Variants in SH3BP4 observed in about 807,000 individuals in gnomAD.
SH3BP4 encodes the protein SH3 domain-binding protein 4.
A neutral mutation model predicts 65.5 loss-of-function variants in SH3BP4; 33 were observed. The observed-to-expected ratio is 0.50, with a 90% CI of 0.38 to 0.67. The LOEUF is 0.67. Ranked by LOEUF, SH3BP4 falls within the 30% of genes least tolerant of loss-of-function variation. SH3BP4 has a pLI of 0.00. For missense variants in SH3BP4, 1,134 were observed against 1,261.4 expected (o/e 0.90, Z 1.53); for synonymous variants, 552 against 545.5 (o/e 1.01, Z -0.17).
chr2:234,989,517 C>T (rs573693619), intron 1 of SH3BP4, among the ~76,000 whole-genome samples: 1 of 152,222 alleles, frequency 6.6e-6, no homozygotes, highest in Admixed American at 6.5e-5. Context: ...GGCCCTTTGC[C>T]CACTGCGTAA....
chr2:235,031,379 C>A (rs576543581), intron 2 of SH3BP4, among the ~76,000 whole-genome samples: 1 of 152,328 alleles, frequency 6.6e-6, no homozygotes, highest in East Asian at 1.9e-4. Flanking sequence ...CCAGAAAGCA[C>A]GTGTGCAGTT....
intron 1 of SH3BP4, among the ~76,000 whole-genome samples, chr2:234,984,835 G>A (rs1693497662): frequency 6.8e-6 from 1 of 147,722 alleles, no homozygotes; most frequent in African/African-American, 2.5e-5. Flanking sequence ...GAGATGACTG[G>A]TCCCAGCAGT....
Position 235,046,735 on chromosome 2 carries a change from G to GATGA in SH3BP4, c.2478+3501_2478+3504dup, listed in dbSNP as rs910174951. ...TAAGTGATTGAATGAATGAATGATG[G>GATGA]ATGAATGAATGAATGATGAATGAAT... On this transcript the variant is annotated intron_variant, in intron 4 of 5. Transcript: ENST00000392011. This position sits in a 1 kb window ranked among gnomAD's most constrained non-coding sequence, Gnocchi z 4.2. Among the ~76,000 whole-genome samples, 3 of 149,990 alleles carry GATGA rather than the reference G, an allele frequency of 2.0e-5. No individual in the cohort carries two copies. The highest frequency in any genetic ancestry group is 3.4e-3 in the Middle Eastern group (1 of 292).
intron 2 of SH3BP4, among the ~76,000 whole-genome samples, chr2:235,011,641 C>T (rs1694509194): frequency 6.6e-6 from 1 of 152,180 alleles, no homozygotes; most frequent in Admixed American, 6.5e-5. Context: ...GACAGTCTTG[C>T]TTTTCTTTGT....
chr2:235,047,409 A>G lies in SH3BP4; in HGVS notation c.2478+4162A>G, dbSNP rs1481031883. 2.0e-5 allele frequency among the ~76,000 whole-genome samples: 3 copies of G among 152,336 alleles called. No homozygotes were observed. The East Asian group carries it at 5.8e-4, about 29-fold the overall frequency. ...AACCCTCGCTGTGCATCCTCTGTAG[A>G]CTGGCCAGAAACACTGCGTGGTCGG... On this transcript the variant is annotated intron_variant, in intron 4 of 5. Coordinates refer to ENST00000392011, the MANE Select transcript of SH3BP4 (RefSeq NM_014521.3).
At chr2:235,050,483 C>A (rs143162988) in intron 4 of SH3BP4, among the ~76,000 whole-genome samples, 180 of 152,234 alleles carry the variant, frequency 1.2e-3, no homozygotes, top group African/African-American at 3.7e-3. Flanking sequence ...CCCCTTCTGG[C>A]CAGCCTCGTT....
rs1264428629 is a variant in SH3BP4, at chr2:235,030,171, C to T, written c.-132-4700C>T. On this transcript the variant is annotated intron_variant, in intron 2 of 5. Transcript: ENST00000392011. This position sits in a 1 kb window ranked among gnomAD's most constrained non-coding sequence, Gnocchi z 4.1. The stretch of plus-strand genomic sequence containing the variant: ...CAGAAGTGTTGTAGCAGGGCAGCAG[C>T]ATGGCTTTGAGAAAATCAAGGGCTC... 1.3e-5 allele frequency among the ~76,000 whole-genome samples: 2 copies of T among 152,200 alleles called. No homozygotes were observed. Among genetic ancestry groups the T allele is most frequent in the South Asian group, 4.2e-4 (2 of 4,814 alleles).
At position 235,038,210 on chromosome 2, in the gene SH3BP4, T is replaced by TAA. The variant is rs1345242920; in HGVS notation, c.119-2677_119-2676dup. Among the ~76,000 whole-genome samples, 624 of 122,894 alleles carry TAA rather than the reference T, an allele frequency of 5.1e-3. 26 individuals carry two copies. The highest frequency in any genetic ancestry group is 0.017 in the African/African-American group (557 of 33,130). 80.6% of individuals were successfully genotyped at this position (122,894 alleles called of 152,430 possible). A position where few individuals can be genotyped will look rare whatever the true frequency, so the allele number is the denominator to read the frequency against. ...TTTCATATATATATACACATATATA[T>TAA]AATATATATATAAAGGATATATGTA... On this transcript the variant is annotated intron_variant, in intron 3 of 5. Transcript: ENST00000392011.
chr2:234,981,338 C>G (rs924470876), intron 1 of SH3BP4, among the ~76,000 whole-genome samples: 1 of 152,150 alleles, frequency 6.6e-6, no homozygotes, highest in African/African-American at 2.4e-5. Context: ...GTGGCTCCCC[C>G]TCTAGTCTGG....
Position 235,041,468 on chromosome 2 carries a change from G to A in SH3BP4, c.699G>A (p.Arg233=). The A allele has an allele frequency of 5.0e-6, 8 of 1,614,196 alleles. No individual in the cohort carries two copies. Among genetic ancestry groups the A allele is most frequent in the Non-Finnish European group, 6.8e-6 (8 of 1,180,042 alleles). Residue 233 remains arginine, a synonymous_variant, in exon 4 of 6, where the codon AGG becomes AGA. Transcript: ENST00000392011. This position sits in a 1 kb window ranked among gnomAD's most constrained non-coding sequence, Gnocchi z 6.0. ...GACTCCACGCAGAGCCGCCGGTCAG[G>A]CGGGACAACCCCTTCTTCAGAAGCA... The part of the protein sequence containing the change: ...TNGLHAEPPV[R]RDNPFFRSKR...
At chr2:235,028,340 T>C (rs1363483934) in intron 2 of SH3BP4, among the ~76,000 whole-genome samples, 1 of 152,140 alleles carries the variant, frequency 6.6e-6, no homozygotes, top group Non-Finnish European at 1.5e-5. Context: ...TAGACGGTGG[T>C]CAAGCTTGTT....
At chr2:234,988,217 G>T (rs907771754) in intron 1 of SH3BP4, among the ~76,000 whole-genome samples, 1 of 152,120 alleles carries the variant, frequency 6.6e-6, no homozygotes, top group Middle Eastern at 3.4e-3. Context: ...CCACCACCAC[G>T]CCTGGCTAAT....
rs1031418112 is a variant in SH3BP4, at chr2:235,052,307, G to T, written c.2479-255G>T. On this transcript the variant is annotated intron_variant, in intron 4 of 5. Coordinates refer to ENST00000392011, the MANE Select transcript of SH3BP4 (RefSeq NM_014521.3). The surrounding 1 kb of genome is among the most constrained non-coding windows in gnomAD (Gnocchi z 5.0). ...TGCAAAGACCCCATTTTCAAGTAAGGTCACGTTCTGAGGTTCTGGGTGGAT... is the reference window on the plus strand; with the variant it reads ...TGCAAAGACCCCATTTTCAAGTAAGTTCACGTTCTGAGGTTCTGGGTGGAT... 6.6e-6 allele frequency among the ~76,000 whole-genome samples: 1 copy of T among 152,112 alleles called. No individual in the cohort carries two copies. The highest frequency in any genetic ancestry group is 2.4e-5 in the African/African-American group (1 of 41,402).
intron 2 of SH3BP4, among the ~76,000 whole-genome samples, chr2:235,031,123 G>A (rs922121133): frequency 1.3e-5 from 2 of 152,100 alleles, no homozygotes; most frequent in Non-Finnish European, 2.9e-5. Context: ...TGGTGCCCGT[G>A]GGAACATGAT....
At position 235,017,129 on chromosome 2, in the gene SH3BP4, TA is replaced by T. The variant is rs575292462; in HGVS notation, c.-132-17738del. 2.0e-5 allele frequency among the ~76,000 whole-genome samples: 3 copies of T among 149,042 alleles called. No homozygotes were observed. The South Asian group carries it at 6.4e-4, about 32-fold the overall frequency. On this transcript the variant is annotated intron_variant, in intron 2 of 5. Transcript: ENST00000392011. ...GAGACTATGCTATACTATTGTTTGG[TA>T]AAATACTTTAAGACTTAATATATTC...
At position 235,042,428 on chromosome 2, in the gene SH3BP4, C is replaced by T. The variant is rs771409937; in HGVS notation, c.1659C>T (p.Ser553=). Residue 553 remains serine (S), a synonymous_variant, in exon 4 of 6, where the codon AGC becomes AGT. Transcript: ENST00000392011. The surrounding 1 kb of genome is among the most constrained non-coding windows in gnomAD (Gnocchi z 7.3). ...TGACGAATTACGAGGTCAAAGCCAG[C>T]GAGCAGGCCAAAGTGGTGCGAGGAT... is the stretch of plus-strand genomic sequence containing the variant. ...SNMTNYEVKA[S]EQAKVVRGFQ... The T allele has an allele frequency of 7.4e-6, 12 of 1,614,006 alleles. No homozygotes were observed. The Admixed American group carries it at 1.3e-4, about 18-fold the overall frequency.
rs1158358192 is a variant in SH3BP4, at chr2:234,995,306, C to T, written c.-203C>T. 1 of 152,368 alleles carries T rather than the reference C, an allele frequency of 6.6e-6. No individual in the cohort carries two copies. Among genetic ancestry groups the T allele is most frequent in the Non-Finnish European group, 1.5e-5 (1 of 68,170 alleles). 9.4% of individuals were successfully genotyped at this position (152,368 alleles called of 1,614,324 possible). A position where few individuals can be genotyped will look rare whatever the true frequency, so the allele number is the denominator to read the frequency against. On this transcript the variant is annotated 5_prime_UTR_variant, in exon 2 of 6. Coordinates refer to ENST00000392011, the MANE Select transcript of SH3BP4 (RefSeq NM_014521.3). ...GTGTTTCCTTCTTGTCTTGCAGCGT[C>T]TCCCTTCTCTCCTGGACAGAAGGCC...
intron 3 of SH3BP4, 135 bp from the exon 4 acceptor site, chr2:235,040,753 G>T: frequency 6.9e-6 from 5 of 728,170 alleles, no homozygotes. Context: ...ATTTCACTTT[G>T]GTTTGTTTCT....
At chr2:234,996,475 G>C (rs1369301934) in intron 2 of SH3BP4, among the ~76,000 whole-genome samples, 2 of 152,190 alleles carry the variant, frequency 1.3e-5, no homozygotes, top group Non-Finnish European at 2.9e-5. Context: ...TTTTCATAGT[G>C]ACGTGAGGAA....
Sources: allele counts gnomAD v4.1 joint callset (sites outside exome capture counted in the v4.1 genomes callset), GRCh38; gene constraint gnomAD v4.1.1; non-coding constraint Gnocchi (gnomAD v3.1); transcripts MANE v1.5; gene names NCBI Gene and HGNC (gene_info 2026-07-23, HGNC 2026-07-21).